GULP1: variants seen among roughly 807,000 people sequenced by gnomAD.
The protein encoded by GULP1 is GULP PTB domain containing engulfment adaptor 1.
In GULP1, 19 loss-of-function variants were observed where a neutral mutation model predicts 40.9. The ratio of observed to expected loss-of-function variants is 0.46; its 90% confidence interval spans 0.32 to 0.68. The LOEUF (loss-of-function observed/expected upper bound fraction) is 0.68, where lower values mean the gene tolerates loss of function less well. GULP1 is among the 30% of genes least tolerant of loss of function. The probability of loss-of-function intolerance (pLI) is 0.03; values close to 1 mark genes in which losing one functional copy is unlikely to be tolerated. For missense variants in GULP1, 312 were observed against 362.2 expected (o/e 0.86, Z 1.12); for synonymous variants, 119 against 117.6 (o/e 1.01, Z -0.08).
chr2:188,399,706 A>AAAAAAAAAC (rs1559195023), intron 2 of GULP1, among the ~76,000 whole-genome samples: 3 of 149,944 alleles, frequency 2.0e-5, no homozygotes, highest in Non-Finnish European at 4.4e-5. Flanking sequence ...AAAAAAAAAA[A>AAAAAAAAAC]AAAAAAAACA....
intron 2 of GULP1, among the ~76,000 whole-genome samples, chr2:188,391,523 G>A (rs1399659560): frequency 6.6e-6 from 1 of 151,908 alleles, no homozygotes; most frequent in Non-Finnish European, 1.5e-5. Flanking sequence ...AGTCTTCATG[G>A]TTTTCTATGT....
At chr2:188,440,692 G>A (rs1410276445) in intron 2 of GULP1, among the ~76,000 whole-genome samples, 1 of 152,186 alleles carries the variant, frequency 6.6e-6, no homozygotes, top group African/African-American at 2.4e-5. Flanking sequence ...AGCCTCCTGA[G>A]CAGTCATACT....
At chr2:188,523,546 C>T (rs1685377064) in intron 5 of GULP1, among the ~76,000 whole-genome samples, 1 of 89,156 alleles carries the variant, frequency 1.1e-5, no homozygotes, top group South Asian at 5.5e-4. Flanking sequence ...AGAAAATACA[C>T]ATTATCACTA....
chr2:188,404,986 C>T (rs1377286485), intron 2 of GULP1, among the ~76,000 whole-genome samples: 2 of 152,030 alleles, frequency 1.3e-5, no homozygotes. Context: ...CCAGGCTAGC[C>T]CTTGTGGTTG....
At chr2:188,500,371 A>C (rs547919643) in intron 4 of GULP1, among the ~76,000 whole-genome samples, 1 of 152,034 alleles carries the variant, frequency 6.6e-6, no homozygotes, top group Non-Finnish European at 1.5e-5. Flanking sequence ...GTTCCCTACC[A>C]ATCTTTATAG....
At chr2:188,464,028 T>C (rs2059923173) in intron 2 of GULP1, among the ~76,000 whole-genome samples, 1 of 152,200 alleles carries the variant, frequency 6.6e-6, no homozygotes, top group African/African-American at 2.4e-5. Context: ...TCTTATTTAG[T>C]TCATTTGGTG....
chr2:188,439,699 G>A, intron 2 of GULP1, among the ~76,000 whole-genome samples: 1 of 152,084 alleles, frequency 6.6e-6, no homozygotes, highest in Admixed American at 6.6e-5. Context: ...GATGTGGTGA[G>A]GGGAATACTA....
intron 2 of GULP1, among the ~76,000 whole-genome samples, chr2:188,395,494 C>T (rs1365674281): frequency 6.6e-6 from 1 of 152,156 alleles, no homozygotes; most frequent in Non-Finnish European, 1.5e-5. Flanking sequence ...TCTCCAAGAC[C>T]CTTCATGAGC....
At chr2:188,473,416 C>T (rs560431323) in intron 2 of GULP1, among the ~76,000 whole-genome samples, 14 of 152,308 alleles carry the variant, frequency 9.2e-5, no homozygotes, top group Middle Eastern at 3.4e-3. Flanking sequence ...TATTGGAAGC[C>T]GTGAACTAGA....
intron 1 of GULP1, among the ~76,000 whole-genome samples, chr2:188,361,223 C>T (rs1443539445): frequency 3.9e-5 from 6 of 152,010 alleles, no homozygotes; most frequent in Non-Finnish European, 4.4e-5. Flanking sequence ...TTTATCTAGT[C>T]ATTTTCAAGA....
At chr2:188,382,299 C>G (rs1424988261) in intron 1 of GULP1, among the ~76,000 whole-genome samples, 1 of 152,126 alleles carries the variant, frequency 6.6e-6, no homozygotes, top group Non-Finnish European at 1.5e-5. Flanking sequence ...TATGCTAGCT[C>G]TCATTCTTAC....
intron 2 of GULP1, among the ~76,000 whole-genome samples, chr2:188,410,679 T>C (rs1233971849): frequency 6.6e-6 from 1 of 152,106 alleles, no homozygotes; most frequent in Admixed American, 6.6e-5. Flanking sequence ...GAGCCCAAAG[T>C]GGCTATGTGG....
intron 7 of GULP1, among the ~76,000 whole-genome samples, chr2:188,562,047 G>A (rs1696444207): frequency 1.3e-5 from 2 of 152,148 alleles, no homozygotes; most frequent in Non-Finnish European, 2.9e-5. Flanking sequence ...AGTCCCAGCA[G>A]CAACAGCCCA....
intron 10 of GULP1, among the ~76,000 whole-genome samples, chr2:188,586,936 C>A (rs778688631): frequency 9.2e-5 from 14 of 151,594 alleles, no homozygotes; most frequent in Non-Finnish European, 1.3e-4. Flanking sequence ...GCACATTGTG[C>A]AGGTTAGTTA....
intron 9 of GULP1, among the ~76,000 whole-genome samples, chr2:188,575,035 T>G (rs1244085424): frequency 6.6e-6 from 1 of 152,182 alleles, no homozygotes; most frequent in Non-Finnish European, 1.5e-5. Flanking sequence ...CATGAATTGG[T>G]CATACTGATG....
At chr2:188,300,732 C>CA (rs1456934409) in intron 1 of GULP1, among the ~76,000 whole-genome samples, 5 of 152,120 alleles carry the variant, frequency 3.3e-5, no homozygotes, top group African/African-American at 1.2e-4. Flanking sequence ...GTGACAAGAG[C>CA]AGTCTCTTTA....
chr2:188,356,040 T>C (rs1042851827), intron 1 of GULP1, among the ~76,000 whole-genome samples: 6 of 152,062 alleles, frequency 3.9e-5, no homozygotes, highest in Non-Finnish European at 8.8e-5. Context: ...TGCCTCAACA[T>C]AATAAAAGCC....
At chr2:188,319,129 A>G (rs781077763) in intron 1 of GULP1, among the ~76,000 whole-genome samples, 10 of 152,226 alleles carry the variant, frequency 6.6e-5, no homozygotes, top group South Asian at 2.1e-4. Flanking sequence ...AACAATTTCT[A>G]TATTATACAA....
intron 2 of GULP1, among the ~76,000 whole-genome samples, chr2:188,444,862 T>A (rs1311426062): frequency 1.3e-5 from 2 of 152,196 alleles, no homozygotes; most frequent in Non-Finnish European, 2.9e-5. Context: ...ACCTAAACAC[T>A]GGCAGTGACA....
Sources: gnomAD v4.1 joint callset for allele counts (sites outside exome capture counted in the v4.1 genomes callset) on GRCh38, gnomAD v4.1.1 for gene constraint, MANE v1.5 for transcripts, NCBI Gene and HGNC (gene_info 2026-07-23, HGNC 2026-07-21) for gene names.